The following CADM2 variants were observed in gnomAD, a reference collection of about 807,000 sequenced individuals.
CADM2 encodes immunoglobulin superfamily member 4D.
CADM2 carries 12 observed loss-of-function variants against 49.8 expected under a neutral mutation model. The observed-to-expected ratio is 0.24, with a 90% confidence interval of 0.15 to 0.39. The LOEUF (loss-of-function observed/expected upper bound fraction) is 0.39. Among genes scored for constraint, CADM2 ranks in the 10% least tolerant of loss-of-function variants. The pLI is 1.00. For synonymous variants in CADM2, 214 were observed against 175.4 expected, an observed-to-expected ratio of 1.22 and a Z score of -1.74; for missense variants, 378 against 492.3, an observed-to-expected ratio of 0.77 and a Z score of 2.20.
chr3:85,051,531 G>C (rs1426124712), intron 1 of CADM2, among the ~76,000 whole-genome samples: 3 of 152,098 alleles, frequency 2.0e-5, no homozygotes, highest in Non-Finnish European at 4.4e-5. Context: ...TGTAGGGACG[G>C]GGGGAGCTGT....
intron 8 of CADM2, among the ~76,000 whole-genome samples, chr3:86,000,137 A>G (rs1729990870): frequency 6.6e-6 from 1 of 152,152 alleles, no homozygotes; most frequent in Non-Finnish European, 1.5e-5. Flanking sequence ...AAGTTTAGAC[A>G]CCAGTTTGCC....
chr3:85,400,196 A>G (rs1019005544), intron 1 of CADM2, among the ~76,000 whole-genome samples: 35 of 152,220 alleles, frequency 2.3e-4, no homozygotes, highest in Admixed American at 2.0e-3. Flanking sequence ...TTCTGCATCT[A>G]TTGAGATAAT....
intron 1 of CADM2, among the ~76,000 whole-genome samples, chr3:85,113,066 T>G (rs1054463880): frequency 2.0e-5 from 3 of 152,092 alleles, no homozygotes; most frequent in African/African-American, 7.2e-5. Context: ...TTCAGTCAGC[T>G]TTAATACTTT....
intron 8 of CADM2, among the ~76,000 whole-genome samples, chr3:86,044,056 A>C (rs2324976): frequency 0.23 from 35,660 of 152,006 alleles, 4,622 homozygotes; most frequent in African/African-American, 0.34. Context: ...ATACAAAAAT[A>C]AATTCAAGAT....
At chr3:85,950,647 G>A (rs1379306648) in intron 7 of CADM2, among the ~76,000 whole-genome samples, 2 of 151,100 alleles carry the variant, frequency 1.3e-5, no homozygotes, top group Admixed American at 1.3e-4. Context: ...TCAACCACAA[G>A]CTTCTAAGCT....
chr3:85,240,724 G>A (rs1254434766), intron 1 of CADM2, among the ~76,000 whole-genome samples: 4 of 151,434 alleles, frequency 2.6e-5, no homozygotes, highest in Non-Finnish European at 5.9e-5. Context: ...TCAAAATCCT[G>A]TTTATTTTTC....
At chr3:85,555,170 G>T (rs1375545) in intron 1 of CADM2, among the ~76,000 whole-genome samples, 77,928 of 151,980 alleles carry the variant, frequency 0.51, 23,047 homozygotes, top group East Asian at 0.85. Flanking sequence ...TTTATACCAA[G>T]TGTGTGAATA....
intron 1 of CADM2, among the ~76,000 whole-genome samples, chr3:85,567,435 A>G (rs115756597): frequency 2.0e-3 from 300 of 152,312 alleles, no homozygotes; most frequent in Non-Finnish European, 3.4e-3. Context: ...TTTGTAATAG[A>G]GCACAGGCAA....
intron 1 of CADM2, among the ~76,000 whole-genome samples, chr3:85,697,088 T>C (rs2066585970): frequency 7.4e-6 from 1 of 134,728 alleles, no homozygotes; most frequent in East Asian, 2.0e-4. Flanking sequence ...ATATGCCATA[T>C]ATATATATGC....
At chr3:85,484,655 G>A (rs1053431783) in intron 1 of CADM2, among the ~76,000 whole-genome samples, 3 of 151,808 alleles carry the variant, frequency 2.0e-5, no homozygotes, top group Non-Finnish European at 2.9e-5. Flanking sequence ...CTTTAAAACC[G>A]TATTCCTGCT....
chr3:85,304,545 A>G (rs2044170289), intron 1 of CADM2, among the ~76,000 whole-genome samples: 1 of 151,860 alleles, frequency 6.6e-6, no homozygotes, highest in African/African-American at 2.4e-5. Flanking sequence ...TTATAAAACT[A>G]TTAGTCCTGT....
intron 1 of CADM2, among the ~76,000 whole-genome samples, chr3:84,984,253 T>C (rs896606214): frequency 6.7e-6 from 1 of 149,850 alleles, no homozygotes; most frequent in Non-Finnish European, 1.5e-5. Context: ...GTCCAAAGAC[T>C]GAACTCATTA....
chr3:85,721,467 G>A (rs989392293), intron 1 of CADM2, among the ~76,000 whole-genome samples: 2 of 152,114 alleles, frequency 1.3e-5, no homozygotes, highest in Non-Finnish European at 2.9e-5. Flanking sequence ...TACTGGCCTG[G>A]GTCTCATGAC....
intron 8 of CADM2, among the ~76,000 whole-genome samples, chr3:86,042,430 A>G (rs1280424375): frequency 6.6e-6 from 1 of 152,218 alleles, no homozygotes; most frequent in South Asian, 2.1e-4. Flanking sequence ...ACAAACTACC[A>G]TCAGAGAATA....
At chr3:84,992,903 C>A (rs17734437) in intron 1 of CADM2, among the ~76,000 whole-genome samples, 1 of 151,956 alleles carries the variant, frequency 6.6e-6, no homozygotes, top group East Asian at 1.9e-4. Flanking sequence ...GACGAGCAGC[C>A]TTTTCAAGTA....
intron 7 of CADM2, among the ~76,000 whole-genome samples, chr3:85,942,539 G>C (rs1242853218): frequency 7.2e-6 from 1 of 138,240 alleles, no homozygotes; most frequent in Admixed American, 8.5e-5. Flanking sequence ...CTGTGTCCAT[G>C]TGATCTCATT....
At chr3:84,979,129 A>G (rs1464665560) in intron 1 of CADM2, among the ~76,000 whole-genome samples, 1 of 152,160 alleles carries the variant, frequency 6.6e-6, no homozygotes, top group Non-Finnish European at 1.5e-5. Context: ...AAAATTAAAT[A>G]AATGGATATG....
chr3:85,426,092 CA>C (rs1387402897), intron 1 of CADM2, among the ~76,000 whole-genome samples: 3 of 152,048 alleles, frequency 2.0e-5, no homozygotes, highest in African/African-American at 7.2e-5. Flanking sequence ...CAACCATGTG[CA>C]GGCATAATGC....
intron 3 of CADM2, among the ~76,000 whole-genome samples, chr3:85,843,908 C>T (rs1030110251): frequency 4.6e-5 from 7 of 151,232 alleles, no homozygotes; most frequent in African/African-American, 1.2e-4. Flanking sequence ...GGGGGGGGAG[C>T]GGTTACTAAA....
Sources: gnomAD v4.1 joint callset for allele counts (sites outside exome capture counted in the v4.1 genomes callset) on GRCh38, gnomAD v4.1.1 for gene constraint, MANE v1.5 for transcripts, NCBI Gene and HGNC (gene_info 2026-07-23, HGNC 2026-07-21) for gene names.